The following CNTNAP2 variants were observed in gnomAD, a reference collection of about 807,000 sequenced individuals.
The protein encoded by CNTNAP2 is contactin-associated protein-like 2.
In CNTNAP2, 98 loss-of-function variants were observed where a neutral mutation model predicts 155.2. That is an observed-to-expected ratio of 0.63 (90% CI 0.54 to 0.75). The LOEUF (loss-of-function observed/expected upper bound fraction) is 0.75, where lower values mean the gene tolerates loss of function less well. Among genes scored for constraint, CNTNAP2 ranks in the 30% least tolerant of loss-of-function variants. The pLI, the probability that CNTNAP2 is intolerant of heterozygous loss-of-function variation, is 0.00. For synonymous variants in CNTNAP2, 651 were observed against 631.2 expected (o/e 1.03, Z -0.47); for missense variants, 1,727 against 1,688.1 (o/e 1.02, Z -0.40).
chr7:147,861,120 T>A (rs1367622178), intron 13 of CNTNAP2, among the ~76,000 whole-genome samples: 1 of 152,222 alleles, frequency 6.6e-6, no homozygotes, highest in Non-Finnish European at 1.5e-5. Context: ...TTTCACCTCA[T>A]CTGATGAAAA....
At chr7:147,469,559 C>G (rs532525992) in intron 10 of CNTNAP2, among the ~76,000 whole-genome samples, 2 of 121,706 alleles carry the variant, frequency 1.6e-5, no homozygotes, top group Non-Finnish European at 3.5e-5. Flanking sequence ...CGCTCTGCCG[C>G]CCAGGCTGGA....
chr7:147,327,788 T>G (rs1353993128), intron 9 of CNTNAP2, among the ~76,000 whole-genome samples: 2 of 152,172 alleles, frequency 1.3e-5, no homozygotes, highest in African/African-American at 4.8e-5. Flanking sequence ...TTTTCCTTAT[T>G]GTCTCCACAA....
chr7:146,220,904 C>G (rs746204462), intron 1 of CNTNAP2, among the ~76,000 whole-genome samples: 3 of 152,224 alleles, frequency 2.0e-5, no homozygotes, highest in Non-Finnish European at 4.4e-5. Flanking sequence ...TTTCTGTTCA[C>G]CTTCCTCCTG....
chr7:147,797,668 G>T (rs1323159307), intron 13 of CNTNAP2, among the ~76,000 whole-genome samples: 3 of 152,202 alleles, frequency 2.0e-5, no homozygotes, highest in Admixed American at 6.5e-5. Flanking sequence ...TTGAATAGAG[G>T]AATGTAATGT....
intron 18 of CNTNAP2, among the ~76,000 whole-genome samples, chr7:148,215,430 G>A (rs939232182): frequency 3.3e-5 from 5 of 151,740 alleles, no homozygotes; most frequent in African/African-American, 4.8e-5. Flanking sequence ...GGGCAATGTT[G>A]TGCTTTTTGC....
At chr7:147,324,401 A>G (rs1404290972) in intron 9 of CNTNAP2, among the ~76,000 whole-genome samples, 1 of 152,192 alleles carries the variant, frequency 6.6e-6, no homozygotes, top group Non-Finnish European at 1.5e-5. Flanking sequence ...ATTTTTTGCA[A>G]TCACGTTATT....
At chr7:146,809,740 T>C (rs1424489371) in intron 2 of CNTNAP2, among the ~76,000 whole-genome samples, 3 of 152,216 alleles carry the variant, frequency 2.0e-5, no homozygotes, top group Admixed American at 6.5e-5. Context: ...GAGTTCCTTA[T>C]ATATTCTAGA....
intron 13 of CNTNAP2, 59 bp downstream of exon 13, chr7:147,639,365 C>A: frequency 6.7e-7 from 1 of 1,499,764 alleles, no homozygotes; most frequent in Admixed American, 1.8e-5. Flanking sequence ...TTAGAATTGC[C>A]TAAAGAATCC....
intron 11 of CNTNAP2, among the ~76,000 whole-genome samples, chr7:147,547,059 AG>A (rs1015444473): frequency 3.3e-5 from 5 of 152,276 alleles, no homozygotes; most frequent in Non-Finnish European, 7.4e-5. Flanking sequence ...TGGGGCCAAA[AG>A]GATATAAATT....
At chr7:146,379,884 T>A (rs1339028217) in intron 1 of CNTNAP2, among the ~76,000 whole-genome samples, 1 of 152,162 alleles carries the variant, frequency 6.6e-6, no homozygotes, top group African/African-American at 2.4e-5. Context: ...CATAACAGAA[T>A]TTTTTTGTAG....
chr7:146,829,314 C>T (rs1803465533), intron 2 of CNTNAP2, among the ~76,000 whole-genome samples: 1 of 151,676 alleles, frequency 6.6e-6, no homozygotes, highest in Admixed American at 6.6e-5. Flanking sequence ...CCATTTATGT[C>T]TGGATATTAT....
At chr7:146,774,409 A>G in intron 2 of CNTNAP2, 28 bp downstream of exon 2, 1 of 1,459,132 alleles carries the variant, frequency 6.9e-7, no homozygotes, top group Non-Finnish European at 9.6e-7. Flanking sequence ...TCTTTTATCA[A>G]TAAACATGTT....
chr7:147,625,541 T>C (rs1794955002), intron 12 of CNTNAP2, among the ~76,000 whole-genome samples: 1 of 152,204 alleles, frequency 6.6e-6, no homozygotes, highest in South Asian at 2.1e-4. Context: ...ATTGTTTGCA[T>C]GTGCTCACAA....
At chr7:147,150,327 A>C (rs1801800059) in intron 8 of CNTNAP2, among the ~76,000 whole-genome samples, 1 of 152,226 alleles carries the variant, frequency 6.6e-6, no homozygotes. Context: ...GAGAATGGGC[A>C]ATCAGATAAG....
chr7:146,278,514 A>G (rs1361649959), intron 1 of CNTNAP2, among the ~76,000 whole-genome samples: 1 of 152,204 alleles, frequency 6.6e-6, no homozygotes, highest in Non-Finnish European at 1.5e-5. Flanking sequence ...CACTAAAAAA[A>G]TGAAAAAAGT....
intron 9 of CNTNAP2, among the ~76,000 whole-genome samples, chr7:147,324,655 A>G (rs571593137): frequency 6.6e-5 from 10 of 152,134 alleles, no homozygotes; most frequent in Non-Finnish European, 8.8e-5. Context: ...TTAAATTTAT[A>G]TGGTCCCTTA....
At chr7:146,987,540 A>T (rs961363064) in intron 3 of CNTNAP2, among the ~76,000 whole-genome samples, 1 of 152,134 alleles carries the variant, frequency 6.6e-6, no homozygotes, top group Non-Finnish European at 1.5e-5. Flanking sequence ...GTTATTCAAA[A>T]TGGATTAGTT....
In CNTNAP2 at chr7:147,440,034, C is replaced by T. The variant is rs945710262; in HGVS notation, c.1670+44254C>T. The stretch of plus-strand genomic sequence containing the variant: ...TTTCATCCATTCAGCCACTTCTTTT[C>T]ATTGGAGAGTTTAGTACATTTATAT... On this transcript the variant is annotated intron_variant, in intron 10 of 23. Transcript: ENST00000361727. Among the ~76,000 whole-genome samples, 6 of 152,028 alleles carry T rather than the reference C, an allele frequency of 3.9e-5. 1 individual carries two copies. The highest frequency in any genetic ancestry group is 3.4e-3 in the Middle Eastern group (1 of 294).
intron 4 of CNTNAP2, among the ~76,000 whole-genome samples, chr7:147,103,164 T>A (rs1344623377): frequency 6.6e-6 from 1 of 152,184 alleles, no homozygotes; most frequent in African/African-American, 2.4e-5. Flanking sequence ...AAATATTCAC[T>A]GTTTTTCAGG....
Sources: gnomAD v4.1 joint callset for allele counts (sites outside exome capture counted in the v4.1 genomes callset) on GRCh38, gnomAD v4.1.1 for gene constraint, MANE v1.5 for transcripts, NCBI Gene and HGNC (gene_info 2026-07-23, HGNC 2026-07-21) for gene names.